The following CDH1 variants were observed in gnomAD, a reference collection of about 807,000 sequenced individuals.
CDH1 encodes the protein cadherin 1.
In CDH1, 35 loss-of-function variants were observed where a neutral mutation model predicts 84.5. The observed-to-expected ratio is 0.41, with a 90% confidence interval of 0.32 to 0.55. The LOEUF is 0.55. CDH1 is among the 20% of genes least tolerant of loss of function. The pLI is 0.19. For missense variants in CDH1, 994 were observed against 1,126.6 expected, an observed-to-expected ratio of 0.88 and a Z score of 1.68; for synonymous variants, 417 against 439.0, an observed-to-expected ratio of 0.95 and a Z score of 0.63.
chr16:68,804,756 C>T (rs1287302021), intron 3 of CDH1, among the ~76,000 whole-genome samples: 1 of 151,406 alleles, frequency 6.6e-6, no homozygotes, highest in Non-Finnish European at 1.5e-5. Flanking sequence ...GGCAGTCTTA[C>T]CTCGCTTTCA....
At chr16:68,752,199 G>A (rs1156267974) in intron 2 of CDH1, among the ~76,000 whole-genome samples, 3 of 152,054 alleles carry the variant, frequency 2.0e-5, no homozygotes, top group Admixed American at 6.6e-5. Context: ...TGATCCACCC[G>A]CCTTGGCCTC....
At chr16:68,760,361 C>G (rs563908791) in intron 2 of CDH1, among the ~76,000 whole-genome samples, 2 of 151,062 alleles carry the variant, frequency 1.3e-5, no homozygotes, top group African/African-American at 2.4e-5. Flanking sequence ...GATCCTCCCC[C>G]ACTCAGCCTC....
At chr16:68,738,481 C>G in intron 2 of CDH1, 70 bp downstream of exon 2, 2 of 1,058,324 alleles carry the variant, frequency 1.9e-6, no homozygotes, top group South Asian at 1.5e-5. Context: ...AAATTGCACT[C>G]CCACACCCCT....
chr16:68,785,132 C>G (rs973351345), intron 2 of CDH1, among the ~76,000 whole-genome samples: 2 of 152,152 alleles, frequency 1.3e-5, no homozygotes, highest in African/African-American at 4.8e-5. Flanking sequence ...TTGTTAGTGT[C>G]TTTTAAAGTT....
intron 2 of CDH1, among the ~76,000 whole-genome samples, chr16:68,748,093 A>T (rs575594513): frequency 1.8e-4 from 24 of 132,752 alleles, no homozygotes; most frequent in East Asian, 1.7e-3. Context: ...TTTTAAAAAA[A>T]TTTTTAAAAA....
intron 2 of CDH1, among the ~76,000 whole-genome samples, chr16:68,794,084 C>T (rs569548266): frequency 3.9e-5 from 6 of 152,198 alleles, no homozygotes; most frequent in Admixed American, 3.9e-4. Context: ...CCCAGGCTGA[C>T]TGCAGTGGTG....
Position 68,806,746 on chromosome 16 carries a change from T to C in CDH1, c.388-1678T>C, listed in dbSNP as rs555810174. On this transcript the variant is annotated intron_variant, in intron 3 of 15. Transcript: ENST00000261769. Reference sequence around the variant, plus strand: ...ATATCTGCCTGGGGCAAGGAGGTACTGTCATGAGGATTCAAAGCCAGGCAG... The same window carrying C: ...ATATCTGCCTGGGGCAAGGAGGTACCGTCATGAGGATTCAAAGCCAGGCAG... Among the ~76,000 whole-genome samples, 5 of 152,348 alleles carry C rather than the reference T, an allele frequency of 3.3e-5. No individual in the cohort carries two copies. In the East Asian group the frequency reaches 5.8e-4, roughly 18 times the overall value.
intron 11 of CDH1, among the ~76,000 whole-genome samples, chr16:68,821,065 T>C (rs1408905831): frequency 6.6e-6 from 1 of 152,178 alleles, no homozygotes; most frequent in Non-Finnish European, 1.5e-5. Flanking sequence ...GATGGATTCT[T>C]CTGTTGTTTT....
chr16:68,786,326 C>A (rs931165737), intron 2 of CDH1, among the ~76,000 whole-genome samples: 4 of 151,984 alleles, frequency 2.6e-5, no homozygotes, highest in African/African-American at 9.7e-5. Flanking sequence ...TGCCCGCCAC[C>A]ATGCCTGGCT....
chr16:68,803,279 C>T (rs1960565337), intron 3 of CDH1, among the ~76,000 whole-genome samples: 1 of 152,078 alleles, frequency 6.6e-6, no homozygotes, highest in Admixed American at 6.6e-5. Flanking sequence ...ACTATAGGAC[C>T]ATATTAACTT....
intron 3 of CDH1, among the ~76,000 whole-genome samples, chr16:68,804,108 T>TA: frequency 8.6e-6 from 1 of 116,054 alleles, no homozygotes; most frequent in African/African-American, 3.3e-5. Context: ...CTGCCTTTTT[T>TA]TTTTTTTTTT....
Position 68,833,541 on chromosome 16 carries a change from A to T in CDH1, c.*42A>T. ...GGGCCCCAGACCCATGTGCTGGGAA[A>T]TGCAGAAATCACGTTGCTGGTGGTT... On this transcript the variant is annotated 3_prime_UTR_variant, in exon 16 of 16. Transcript: ENST00000261769. The T allele has an allele frequency of 1.3e-6, 2 of 1,518,436 alleles. No homozygotes were observed. The highest frequency in any genetic ancestry group is 3.3e-5 in the Admixed American group (2 of 59,884). The allele number at this position is 1,518,436 out of a possible 1,614,324, so 94.1% of individuals were successfully genotyped here. A position where few individuals can be genotyped will look rare whatever the true frequency, so the allele number is the denominator to read the frequency against.
intron 2 of CDH1, among the ~76,000 whole-genome samples, chr16:68,743,402 C>T (rs935156424): frequency 6.7e-6 from 1 of 149,374 alleles, no homozygotes; most frequent in African/African-American, 2.5e-5. Context: ...GTCACTCTGT[C>T]GCTCAGGCTG....
chr16:68,749,582 G>A (rs1962836495), intron 2 of CDH1, among the ~76,000 whole-genome samples: 1 of 152,240 alleles, frequency 6.6e-6, no homozygotes, highest in South Asian at 2.1e-4. Flanking sequence ...GGGTTAGAGA[G>A]TGGGTCCTGC....
intron 2 of CDH1, among the ~76,000 whole-genome samples, chr16:68,766,947 G>A (rs557900078): frequency 2.6e-4 from 40 of 151,886 alleles, no homozygotes; most frequent in Non-Finnish European, 4.9e-4. Flanking sequence ...GGCTAACCTC[G>A]AACTCCTGAC....
intron 2 of CDH1, among the ~76,000 whole-genome samples, chr16:68,792,176 C>A (rs1236229000): frequency 2.0e-5 from 3 of 151,010 alleles, no homozygotes; most frequent in African/African-American, 7.3e-5. Flanking sequence ...CTGCCTCAGC[C>A]TCCCAAAGTG....
At position 68,835,080 on chromosome 16, in the gene CDH1, T is replaced by C. The variant is rs1389723872; in HGVS notation, c.*1581T>C. On this transcript the variant is annotated 3_prime_UTR_variant, in exon 16 of 16. Coordinates refer to ENST00000261769, the MANE Select transcript of CDH1 (RefSeq NM_004360.5). ...GAAAATGCTGGCTGAGCTGAACACA[T>C]TTGCCCAATTCCAGGTGTGCACAGA... 1 of 231,814 alleles carries C rather than the reference T, an allele frequency of 4.3e-6. No individual in the cohort carries two copies. The highest frequency in any genetic ancestry group is 2.2e-5 in the African/African-American group (1 of 45,242). 14.4% of individuals were successfully genotyped at this position (231,814 alleles called of 1,614,324 possible).
At chr16:68,808,879 G>A (rs557431028) in intron 5 of CDH1, 31 bp downstream of exon 5, 6 of 1,611,020 alleles carry the variant, frequency 3.7e-6, no homozygotes, top group East Asian at 2.2e-5. Context: ...TGTTGACACC[G>A]GGGTAACATC....
At chr16:68,744,453 T>A (rs1487022276) in intron 2 of CDH1, among the ~76,000 whole-genome samples, 1 of 152,164 alleles carries the variant, frequency 6.6e-6, no homozygotes, top group Non-Finnish European at 1.5e-5. Context: ...TTTCTTTCTC[T>A]CTTCCTCTTT....
Sources: gnomAD v4.1 joint callset for allele counts (sites outside exome capture counted in the v4.1 genomes callset) on GRCh38, gnomAD v4.1.1 for gene constraint, MANE v1.5 for transcripts, NCBI Gene and HGNC (gene_info 2026-07-23, HGNC 2026-07-21) for gene names.